The following DCDC1 variants were observed in gnomAD, a reference collection of about 807,000 sequenced individuals.
DCDC1 encodes doublecortin domain containing 1.
A neutral mutation model predicts 178.3 loss-of-function variants in DCDC1; 200 were observed. That is an observed-to-expected ratio of 1.12 (90% CI 1.00 to 1.26). DCDC1 has a LOEUF of 1.26. DCDC1 is among the 50% of genes most tolerant of loss of function. The pLI is 0.00. For missense variants in DCDC1, 1,983 were observed against 1,749.2 expected (o/e 1.13, Z -2.38); for synonymous variants, 690 against 604.8 (o/e 1.14, Z -2.07).
intron 11 of DCDC1, among the ~76,000 whole-genome samples, chr11:31,114,492 T>A: frequency 6.6e-6 from 1 of 152,092 alleles, no homozygotes; most frequent in East Asian, 1.9e-4. Context: ...GTGCTGGTCA[T>A]CATATGAAAT....
At chr11:31,313,051 A>T (rs1948861908) in intron 3 of DCDC1, among the ~76,000 whole-genome samples, 1 of 152,048 alleles carries the variant, frequency 6.6e-6, no homozygotes, top group Non-Finnish European at 1.5e-5. Context: ...GTATAAATTT[A>T]AAAATAAAAT....
intron 7 of DCDC1, among the ~76,000 whole-genome samples, chr11:31,288,665 T>C (rs1245615688): frequency 1.3e-5 from 2 of 151,908 alleles, no homozygotes; most frequent in East Asian, 1.9e-4. Flanking sequence ...CATTACTTAG[T>C]AGTAATTGAG....
intron 20 of DCDC1, among the ~76,000 whole-genome samples, chr11:31,060,309 T>C (rs561589540): frequency 3.9e-5 from 6 of 152,202 alleles, no homozygotes; most frequent in Admixed American, 1.3e-4. Flanking sequence ...TTATATTTTA[T>C]AAATGAAGCT....
intron 21 of DCDC1, among the ~76,000 whole-genome samples, chr11:30,938,834 G>C (rs1009537489): frequency 6.6e-6 from 1 of 152,154 alleles, no homozygotes; most frequent in African/African-American, 2.4e-5. Context: ...TTATCTGTGG[G>C]AATGTTGGAG....
chr11:31,074,754 T>C (rs533509439), intron 18 of DCDC1, among the ~76,000 whole-genome samples: 1 of 152,244 alleles, frequency 6.6e-6, no homozygotes, highest in South Asian at 2.1e-4. Context: ...AATGTGGAAG[T>C]AGCTTTGGAA....
chr11:31,032,596 T>A (rs1029056530), intron 20 of DCDC1, among the ~76,000 whole-genome samples: 1 of 151,634 alleles, frequency 6.6e-6, no homozygotes, highest in Non-Finnish European at 1.5e-5. Context: ...AATGAGACAG[T>A]GTAAATGAAA....
rs143253102 is a variant in DCDC1 at position 31,186,016 on chromosome 11, G to T, written c.1222-48232C>A. Among the ~76,000 whole-genome samples, 321 of 152,182 alleles carry T rather than the reference G, an allele frequency of 2.1e-3. 8 individuals are homozygous for T. In the East Asian group the frequency reaches 0.04, roughly 19 times the overall value. ...AATGCTCTCAAATACCTCCTCACTG[G>T]TTTCCCTGCTTCCACTCCTCCATCC... On this transcript the variant is annotated intron_variant, in intron 9 of 38. Coordinates refer to ENST00000684477, the MANE Select transcript of DCDC1 (RefSeq NM_001387274.1).
At chr11:31,349,293 G>A (rs1242570236) in intron 1 of DCDC1, among the ~76,000 whole-genome samples, 2 of 152,058 alleles carry the variant, frequency 1.3e-5, no homozygotes, top group Non-Finnish European at 2.9e-5. Context: ...TCAATTTTAT[G>A]TAAACATAAA....
At chr11:31,148,210 TAAAAAAAAAAAA>T (rs55829692) in intron 9 of DCDC1, among the ~76,000 whole-genome samples, 1,387 of 95,682 alleles carry the variant, frequency 0.014, 34 homozygotes, top group African/African-American at 0.051. Context: ...TTTATTATTA[TAAAAAAAAAAAA>T]AAAAAAAAAA....
chr11:31,163,845 A>G (rs1565370908), intron 9 of DCDC1, among the ~76,000 whole-genome samples: 1 of 152,212 alleles, frequency 6.6e-6, no homozygotes, highest in African/African-American at 2.4e-5. Context: ...TGGTCAGAAG[A>G]ATAAGAATTC....
At chr11:30,888,114 GAA>G (rs1554959026) in intron 36 of DCDC1, among the ~76,000 whole-genome samples, 4 of 125,268 alleles carry the variant, frequency 3.2e-5, no homozygotes, top group African/African-American at 1.3e-4. Context: ...AAGAAAGAAA[GAA>G]AGAAAGAAAG....
intron 21 of DCDC1, among the ~76,000 whole-genome samples, chr11:30,933,011 T>C (rs979723470): frequency 1.3e-5 from 2 of 151,898 alleles, no homozygotes; most frequent in Non-Finnish European, 2.9e-5. Context: ...TTTCCTACTT[T>C]CATAAACCAT....
At chr11:31,294,850 GAAA>G (rs1947556722) in intron 6 of DCDC1, among the ~76,000 whole-genome samples, 1 of 124,434 alleles carries the variant, frequency 8.0e-6, no homozygotes, top group Admixed American at 8.2e-5. Flanking sequence ...AAGAAAGAAA[GAAA>G]GAAAGAAAGA....
At chr11:31,191,845 A>G (rs1295757044) in intron 9 of DCDC1, among the ~76,000 whole-genome samples, 1 of 151,956 alleles carries the variant, frequency 6.6e-6, no homozygotes, top group African/African-American at 2.4e-5. Flanking sequence ...ATTTTCCTTT[A>G]TCTATCATGC....
intron 9 of DCDC1, among the ~76,000 whole-genome samples, chr11:31,170,978 G>A (rs1445802853): frequency 6.6e-6 from 1 of 152,056 alleles, no homozygotes; most frequent in East Asian, 1.9e-4. Flanking sequence ...ACAGGCATGA[G>A]CCACCATGCC....
At chr11:30,900,674 C>A (rs755975629) in intron 32 of DCDC1, among the ~76,000 whole-genome samples, 176 bp from the exon 33 acceptor site, 3 of 151,884 alleles carry the variant, frequency 2.0e-5, no homozygotes, top group African/African-American at 7.3e-5. Context: ...ATATACAACC[C>A]AAAAAATAAA....
At chr11:31,315,287 T>C (rs2137704198) in intron 3 of DCDC1, among the ~76,000 whole-genome samples, 1 of 148,756 alleles carries the variant, frequency 6.7e-6, no homozygotes, top group Admixed American at 6.7e-5. Context: ...TTGCCTTCCA[T>C]AGTTCCTATT....
At chr11:30,954,011 T>C (rs1228633623) in intron 20 of DCDC1, among the ~76,000 whole-genome samples, 4 of 132,372 alleles carry the variant, frequency 3.0e-5, no homozygotes, top group East Asian at 2.1e-4. Flanking sequence ...AATTCTTTTT[T>C]TTTTTTTTTT....
chr11:31,299,538 A>AC (rs1947945757), intron 6 of DCDC1, among the ~76,000 whole-genome samples: 1 of 152,086 alleles, frequency 6.6e-6, no homozygotes, highest in Non-Finnish European at 1.5e-5. Flanking sequence ...TTTGACCTAC[A>AC]CCCTAGATAT....
Sources: gnomAD v4.1 joint callset for allele counts (sites outside exome capture counted in the v4.1 genomes callset) on GRCh38, gnomAD v4.1.1 for gene constraint, MANE v1.5 for transcripts, NCBI Gene and HGNC (gene_info 2026-07-23, HGNC 2026-07-21) for gene names.